The following NDUFA10 variants were observed in gnomAD, a reference collection of about 807,000 sequenced individuals.
The protein encoded by NDUFA10 is NADH:ubiquinone oxidoreductase subunit A10.
A neutral mutation model predicts 47.8 loss-of-function variants in NDUFA10; 40 were observed. The ratio of observed to expected loss-of-function variants is 0.84; its 90% confidence interval spans 0.65 to 1.09. The LOEUF (loss-of-function observed/expected upper bound fraction) is 1.09. NDUFA10 is among the 50% of genes least tolerant of loss of function. The pLI is 0.00. For synonymous variants in NDUFA10, 183 were observed against 172.2 expected, an observed-to-expected ratio of 1.06 and a Z score of -0.49; for missense variants, 413 against 451.1, an observed-to-expected ratio of 0.92 and a Z score of 0.76.
intron 9 of NDUFA10, among the ~76,000 whole-genome samples, chr2:239,971,956 G>A (rs1695320792): frequency 6.6e-6 from 1 of 152,030 alleles, no homozygotes; most frequent in South Asian, 2.1e-4. Flanking sequence ...AGATTTCTTG[G>A]GTGTCTGTTA....
intron 4 of NDUFA10, among the ~76,000 whole-genome samples, chr2:239,895,962 T>TA (rs144749671): frequency 0.13 from 19,268 of 152,276 alleles, 1,340 homozygotes; most frequent in South Asian, 0.18. Context: ...GCTTGGCTAA[T>TA]ACACGAAAGT....
Position 239,950,723 on chromosome 2 carries a change from C to T in NDUFA10, c.294+39351G>A, listed in dbSNP as rs56951537. 2.7e-3 allele frequency among the ~76,000 whole-genome samples: 413 copies of T among 152,330 alleles called. 12 individuals are homozygous for T. The East Asian group carries it at 0.056, about 21-fold the overall frequency. On this transcript the variant is annotated intron_variant, in intron 4 of 5. Transcript: ENST00000419408. ...GTGCATGTCACATGGCCACCACGTG[C>T]AGGTGAGTGGCAGCCGCACGCCTGT...
At position 240,022,182 on chromosome 2, in the gene NDUFA10, T is replaced by C. The variant is rs1189363577; in HGVS notation, c.234A>G (p.Ala78=). 3.1e-6 allele frequency: 5 copies of C among 1,610,614 alleles called. No homozygotes were observed. In the South Asian group the frequency reaches 5.5e-5, roughly 18 times the overall value. The change falls in exon 2 of 10, where the codon GCA becomes GCG. Residue 78 remains alanine (A), a synonymous_variant. Transcript: ENST00000252711. Reference sequence around the variant, plus strand: ...AACATAAAATCATACCTAGTTTCTCTGCTATTTCTTTTGCAAGTTTGCCTT... The same window carrying C: ...AACATAAAATCATACCTAGTTTCTCCGCTATTTCTTTTGCAAGTTTGCCTT... The part of the protein sequence containing the change: ...TGKGKLAKEI[A]EKLGFKHFPE...
In NDUFA10 at chr2:239,939,109, C is replaced by T. The variant is rs912833720; in HGVS notation, c.295-43795G>A. Among the ~76,000 whole-genome samples the T allele has an allele frequency of 3.7e-4, 57 of 152,190 alleles. 1 individual carries two copies. Among genetic ancestry groups the T allele is most frequent in the Non-Finnish European group, 8.1e-4 (55 of 68,030 alleles). On this transcript the variant is annotated intron_variant, in intron 4 of 5. Transcript: ENST00000419408. ...AAGCTGGTGGCCCTGAGCGCCCAGG[C>T]GTGGGGAGGATCCTCGGACCCGCGG...
At chr2:239,934,897 T>A (rs1694239190) in intron 4 of NDUFA10, among the ~76,000 whole-genome samples, 1 of 152,146 alleles carries the variant, frequency 6.6e-6, no homozygotes. Context: ...CTCACCAGGT[T>A]TCAATCCAAG....
chr2:239,919,703 G>T (rs1472253082), intron 4 of NDUFA10, among the ~76,000 whole-genome samples: 1 of 152,168 alleles, frequency 6.6e-6, no homozygotes, highest in African/African-American at 2.4e-5. Context: ...CAGAAAACCT[G>T]ACACACAAAC....
chr2:239,948,205 C>A (rs188159263), intron 4 of NDUFA10, among the ~76,000 whole-genome samples: 1 of 152,266 alleles, frequency 6.6e-6, no homozygotes, highest in African/African-American at 2.4e-5. Flanking sequence ...TGGGCCCTGC[C>A]CACACGTCCG....
intron 4 of NDUFA10, among the ~76,000 whole-genome samples, chr2:239,949,763 C>T (rs1048626990): frequency 1.3e-5 from 2 of 152,188 alleles, no homozygotes; most frequent in Non-Finnish European, 2.9e-5. Context: ...ATTACAGGCG[C>T]GAGCCACCAT....
chr2:239,962,946 G>C (rs984969328), intron 9 of NDUFA10, among the ~76,000 whole-genome samples: 1 of 152,086 alleles, frequency 6.6e-6, no homozygotes, highest in African/African-American at 2.4e-5. Flanking sequence ...CTACTCCCAT[G>C]ACCTAAACAC....
intron 4 of NDUFA10, among the ~76,000 whole-genome samples, chr2:239,900,798 G>A (rs1034035116): frequency 3.9e-5 from 6 of 152,198 alleles, no homozygotes; most frequent in East Asian, 1.9e-4. Flanking sequence ...ATTCTGTGAC[G>A]GTAAAGCTAG....
At chr2:239,953,530 A>C (rs545901798), downstream of NDUFA10, among the ~76,000 whole-genome samples, 1 of 152,326 alleles carries the variant, frequency 6.6e-6, no homozygotes, top group South Asian at 2.1e-4. Flanking sequence ...GCATGAGGCA[A>C]TCAGAAACAG....
In NDUFA10 at chr2:239,959,195, C is replaced by G. The variant is rs985154313; in HGVS notation, c.*1923G>C. On this transcript the variant is annotated 3_prime_UTR_variant, in exon 10 of 10. Transcript: ENST00000252711. ...GGGAATGCAACCACACAGGGTCAGA[C>G]GCAAACACAGGGGATGATCAGAGCA... is the stretch of plus-strand genomic sequence containing the variant. 4.2e-6 allele frequency: 4 copies of G among 951,134 alleles called. No homozygotes were observed. Among genetic ancestry groups the G allele is most frequent in the African/African-American group, 3.7e-5 (2 of 53,758 alleles). 58.9% of individuals were successfully genotyped at this position (951,134 alleles called of 1,614,324 possible).
At chr2:239,935,757 T>C (rs1186134954) in intron 4 of NDUFA10, among the ~76,000 whole-genome samples, 2 of 152,190 alleles carry the variant, frequency 1.3e-5, no homozygotes, top group South Asian at 2.1e-4. Context: ...TAGGGGAAAC[T>C]CCTTTCTCTT....
intron 4 of NDUFA10, among the ~76,000 whole-genome samples, chr2:239,949,779 A>T (rs1049737253): frequency 2.0e-5 from 3 of 152,144 alleles, no homozygotes; most frequent in African/African-American, 7.2e-5. Context: ...ACCATACCTG[A>T]CACTGGCCTG....
chr2:240,020,086 G>C (rs1697557208), intron 3 of NDUFA10, among the ~76,000 whole-genome samples: 1 of 151,020 alleles, frequency 6.6e-6, no homozygotes, highest in Non-Finnish European at 1.5e-5. Flanking sequence ...GTGTAGATAC[G>C]TGTCATGGAC....
chr2:239,919,051 T>C (rs1181329406), intron 4 of NDUFA10, among the ~76,000 whole-genome samples: 2 of 151,982 alleles, frequency 1.3e-5, no homozygotes, highest in Non-Finnish European at 2.9e-5. Flanking sequence ...GGATGGGAGG[T>C]GGCACTTGTC....
At chr2:239,999,324 T>C (rs1002558122) in intron 8 of NDUFA10, among the ~76,000 whole-genome samples, 1 of 152,188 alleles carries the variant, frequency 6.6e-6, no homozygotes, top group African/African-American at 2.4e-5. Flanking sequence ...CTGGGGCTGT[T>C]TTCCACCTGG....
Position 239,961,012 on chromosome 2 carries a change from G to A in NDUFA10, c.*106C>T. 6.4e-7 allele frequency: 1 copy of A among 1,569,442 alleles called. No homozygotes were observed. Among genetic ancestry groups the A allele is most frequent in the Non-Finnish European group, 8.6e-7 (1 of 1,158,540 alleles). ...CCCCTTCTTCCACTGTGCAATTTTT[G>A]CATTATTTACCCTCCCCCGATCTTA... is the stretch of plus-strand genomic sequence containing the variant. On this transcript the variant is annotated 3_prime_UTR_variant, in exon 10 of 10. Coordinates refer to ENST00000252711, the MANE Select transcript of NDUFA10 (RefSeq NM_004544.4).
intron 4 of NDUFA10, among the ~76,000 whole-genome samples, chr2:239,932,317 G>A (rs959153751): frequency 1.8e-4 from 28 of 152,136 alleles, no homozygotes; most frequent in Admixed American, 2.6e-4. Context: ...GGCCGAAACT[G>A]TTGTACCTGT....
Sources: allele counts gnomAD v4.1 joint callset (sites outside exome capture counted in the v4.1 genomes callset), GRCh38; gene constraint gnomAD v4.1.1; transcripts MANE v1.5; gene names NCBI Gene and HGNC (gene_info 2026-07-23, HGNC 2026-07-21).